The following AKT3 variants were observed in gnomAD, a reference collection of about 807,000 sequenced individuals.
The protein encoded by AKT3 is RAC-gamma serine/threonine-protein kinase.
Under a neutral mutation model 65.3 loss-of-function variants are expected in AKT3, and 15 were observed. The ratio of observed to expected loss-of-function variants is 0.23; its 90% CI spans 0.15 to 0.35. The LOEUF is 0.35. AKT3 is among the 10% of genes least tolerant of loss of function. The pLI is 1.00. For missense variants in AKT3, 243 were observed against 576.5 expected, an observed-to-expected ratio of 0.42 and a Z score of 5.92; for synonymous variants, 206 against 183.8, an observed-to-expected ratio of 1.12 and a Z score of -0.98.
At position 243,512,440 on chromosome 1, in the gene AKT3, G is replaced by A. The variant is rs773873968; in HGVS notation, c.1252-14C>T. ...AGGAGGTACAAGCTGTAAAAAGAAA[G>A]AAAAAGAGTTTTATTAACTGATTTC... On this transcript the variant is annotated splice_polypyrimidine_tract_variant and intron_variant, in intron 12 of 13. Coordinates refer to ENST00000673466, the MANE Select transcript of AKT3 (RefSeq NM_005465.7). 1 of 1,462,234 alleles carries A rather than the reference G, an allele frequency of 6.8e-7. No homozygotes were observed. The highest frequency in any genetic ancestry group is 9.4e-7 in the Non-Finnish European group (1 of 1,068,676). 90.6% of individuals were successfully genotyped at this position (1,462,234 alleles called of 1,614,324 possible).
rs564352675 is a variant in AKT3, at chr1:243,813,285, T to A, written c.46+29840A>T. On this transcript the variant is annotated intron_variant, in intron 2 of 13. Coordinates refer to ENST00000673466, the MANE Select transcript of AKT3 (RefSeq NM_005465.7). Reference sequence around the variant, plus strand: ...CTCACCAAAAAAGGTTCAACCTGAATCTAACAATGAGGAAAAGCTGGACAA... The same window carrying A: ...CTCACCAAAAAAGGTTCAACCTGAAACTAACAATGAGGAAAAGCTGGACAA... Among the ~76,000 whole-genome samples the A allele has an allele frequency of 2.1e-4, 32 of 152,238 alleles. 1 individual carries two copies. Among genetic ancestry groups the A allele is most frequent in the African/African-American group, 7.7e-4 (32 of 41,550 alleles).
At chr1:243,749,725 G>A (rs1210125224) in intron 2 of AKT3, among the ~76,000 whole-genome samples, 3 of 151,964 alleles carry the variant, frequency 2.0e-5, no homozygotes, top group African/African-American at 7.3e-5. Flanking sequence ...TCTTTCTTTG[G>A]CTTGCTGTAA....
chr1:243,552,288 C>CAA (rs33995513), intron 11 of AKT3, among the ~76,000 whole-genome samples: 2,683 of 50,144 alleles, frequency 0.054, 946 homozygotes, highest in African/African-American at 0.12. Context: ...GACTCTGTCT[C>CAA]AAAAAAAAAA....
chr1:243,620,301 G>A (rs1678635095), intron 6 of AKT3, among the ~76,000 whole-genome samples: 1 of 98,374 alleles, frequency 1.0e-5, no homozygotes, highest in Non-Finnish European at 2.8e-5. Flanking sequence ...ATGCAGAACT[G>A]TGAGTCAATT....
Position 243,512,389 on chromosome 1 carries a change from G to T in AKT3, c.1289C>A (p.Thr430Lys). 1.3e-6 allele frequency: 2 copies of T among 1,590,426 alleles called. No homozygotes were observed. The highest frequency in any genetic ancestry group is 1.7e-6 in the Non-Finnish European group (2 of 1,165,990). The change falls in exon 13 of 14, where the codon ACA becomes AAA. Residue 430 changes from threonine to lysine, a missense_variant. Physicochemically the swap from Thr to Lys is moderately conservative, Grantham distance 78 (BLOSUM62 -1). Transcript: ENST00000673466. ...TTCTTCATCAAAATATCTAGTATCT[G>T]TCTCAGATGTTACTTGAGGTTTAAA... ...PPFKPQVTSE[T>K]DTRYFDEEFT... is the part of the protein sequence containing the mutation.
chr1:243,850,033 C>G lies in AKT3; in HGVS notation c.-113+7G>C, dbSNP rs1695699769. 1 of 985,786 alleles carries G rather than the reference C, an allele frequency of 1.0e-6. No individual in the cohort carries two copies. The highest frequency in any genetic ancestry group is 6.2e-5 in the Admixed American group (1 of 16,176). The allele number at this position is 985,786 out of a possible 1,614,324, so 61.1% of individuals were successfully genotyped here. A position where few individuals can be genotyped will look rare whatever the true frequency, so the allele number is the denominator to read the frequency against. On this transcript the variant is annotated splice_region_variant and intron_variant, in intron 1 of 13. Transcript: ENST00000673466. ...AGGGGGCTAGAGTTGGGGGCGGTGG[C>G]TGTTACCTGCAACGGCGGCGGCGGC... is the stretch of plus-strand genomic sequence containing the variant.
At chr1:243,724,286 G>A (rs746061933) in intron 2 of AKT3, among the ~76,000 whole-genome samples, 5 of 150,338 alleles carry the variant, frequency 3.3e-5, no homozygotes, top group African/African-American at 4.9e-5. Context: ...AAAACTACCC[G>A]TTACTGAGTA....
At chr1:243,695,313 T>C (rs1265125695) in intron 3 of AKT3, among the ~76,000 whole-genome samples, 1 of 151,988 alleles carries the variant, frequency 6.6e-6, no homozygotes, top group African/African-American at 2.4e-5. Flanking sequence ...TCCTTGTTTT[T>C]ATGTTATAAA....
At chr1:243,746,900 G>A (rs578066938) in intron 2 of AKT3, among the ~76,000 whole-genome samples, 2 of 152,062 alleles carry the variant, frequency 1.3e-5, no homozygotes, top group South Asian at 2.1e-4. Context: ...ATGAACATGG[G>A]GGGTGGGGGG....
intron 2 of AKT3, among the ~76,000 whole-genome samples, chr1:243,758,126 A>T (rs1162956008): frequency 6.6e-6 from 1 of 152,226 alleles, no homozygotes; most frequent in Non-Finnish European, 1.5e-5. Flanking sequence ...TTTGTTATTC[A>T]CTTGACAAAT....
At chr1:243,592,537 A>G (rs558699769) in intron 8 of AKT3, among the ~76,000 whole-genome samples, 1 of 152,344 alleles carries the variant, frequency 6.6e-6, no homozygotes, top group Admixed American at 6.5e-5. Flanking sequence ...TATAAGCCAG[A>G]AGAAAGTACA....
intron 4 of AKT3, among the ~76,000 whole-genome samples, chr1:243,657,282 T>G (rs1681878299): frequency 6.6e-6 from 1 of 152,158 alleles, no homozygotes; most frequent in Non-Finnish European, 1.5e-5. Flanking sequence ...ACCTTGAACT[T>G]AAACACCTGG....
chr1:243,718,006 C>T (rs1686618783), intron 2 of AKT3, among the ~76,000 whole-genome samples: 1 of 152,152 alleles, frequency 6.6e-6, no homozygotes, highest in South Asian at 2.1e-4. Flanking sequence ...TGATTACACC[C>T]ATTAAAGTAT....
rs1314961820 is a variant in AKT3, at chr1:243,556,362, T to C, written c.949-3419A>G. ...ATACTACCAATTCAAGTTACTAATG[T>C]AAATATTTATTTGGCTAATGGGCTT... On this transcript the variant is annotated intron_variant, in intron 10 of 13. Transcript: ENST00000673466. Among the ~76,000 whole-genome samples the C allele has an allele frequency of 4.6e-5, 7 of 152,096 alleles. No homozygotes were observed. In the East Asian group the frequency reaches 1.3e-3, roughly 29 times the overall value.
At chr1:243,737,755 T>A (rs1410506976) in intron 2 of AKT3, among the ~76,000 whole-genome samples, 1 of 152,150 alleles carries the variant, frequency 6.6e-6, no homozygotes, top group Non-Finnish European at 1.5e-5. Context: ...ATGGCAATGA[T>A]TAGAACAATA....
intron 2 of AKT3, among the ~76,000 whole-genome samples, chr1:243,765,433 A>T (rs1689758350): frequency 6.6e-6 from 1 of 152,110 alleles, no homozygotes; most frequent in African/African-American, 2.4e-5. Flanking sequence ...CCACCACTTT[A>T]TTTAAACTAC....
intron 2 of AKT3, among the ~76,000 whole-genome samples, chr1:243,730,383 ACAAAGGAC>A (rs1558760852): frequency 6.6e-6 from 1 of 152,160 alleles, no homozygotes; most frequent in Non-Finnish European, 1.5e-5. Context: ...TTCTTCCTGG[ACAAAGGAC>A]CAGAATTCGG....
chr1:243,558,701 G>A (rs893609813), intron 10 of AKT3, among the ~76,000 whole-genome samples: 6 of 151,942 alleles, frequency 3.9e-5, no homozygotes, highest in South Asian at 2.1e-4. Flanking sequence ...TTACAGAAGT[G>A]CATTTCTCTA....
intron 3 of AKT3, among the ~76,000 whole-genome samples, chr1:243,676,272 G>A (rs773012297): frequency 6.6e-6 from 1 of 152,182 alleles, no homozygotes; most frequent in Non-Finnish European, 1.5e-5. Context: ...TGAACATTAA[G>A]TGCAGACTCA....
Sources: allele counts gnomAD v4.1 joint callset (sites outside exome capture counted in the v4.1 genomes callset), GRCh38; gene constraint gnomAD v4.1.1; transcripts MANE v1.5; gene names NCBI Gene and HGNC (gene_info 2026-07-23, HGNC 2026-07-21).